The following FAF1 variants were observed in gnomAD, a reference collection of about 807,000 sequenced individuals.
The protein encoded by FAF1 is Fas associated factor 1, also known as FAS-associated factor 1.
FAF1 carries 25 observed loss-of-function variants against 92.5 expected under a neutral mutation model. The observed-to-expected ratio is 0.27, with a 90% confidence interval of 0.20 to 0.38. The LOEUF (loss-of-function observed/expected upper bound fraction) is 0.38. Among genes scored for constraint, FAF1 ranks in the 10% least tolerant of loss-of-function variants. The pLI is 1.00. For synonymous variants in FAF1, 234 were observed against 273.2 expected, an observed-to-expected ratio of 0.86 and a Z score of 1.42; for missense variants, 636 against 793.3, an observed-to-expected ratio of 0.80 and a Z score of 2.38.
At chr1:50,953,461 G>A (rs183737886) in intron 1 of FAF1, among the ~76,000 whole-genome samples, 340 of 151,988 alleles carry the variant, frequency 2.2e-3, no homozygotes, top group Non-Finnish European at 3.7e-3. Context: ...TTGGCCAGAC[G>A]CAGTGGCTCA....
chr1:50,746,695 G>T (rs1041852428), intron 4 of FAF1, among the ~76,000 whole-genome samples: 1 of 152,128 alleles, frequency 6.6e-6, no homozygotes, highest in Non-Finnish European at 1.5e-5. Context: ...ATTTTCAGGG[G>T]AGAAATTCAA....
intron 8 of FAF1, among the ~76,000 whole-genome samples, chr1:50,637,994 G>T (rs1459875799): frequency 1.3e-5 from 2 of 151,522 alleles, no homozygotes; most frequent in African/African-American, 4.9e-5. Context: ...CCAATTATTT[G>T]CCATTTTCAA....
chr1:50,760,151 T>C (rs182985092), intron 4 of FAF1, among the ~76,000 whole-genome samples: 2 of 152,212 alleles, frequency 1.3e-5, no homozygotes, highest in Admixed American at 6.6e-5. Context: ...CCTAAATATA[T>C]ATGCACCCAA....
At chr1:50,674,020 G>A (rs1003702407) in intron 7 of FAF1, among the ~76,000 whole-genome samples, 1 of 151,226 alleles carries the variant, frequency 6.6e-6, no homozygotes, top group Admixed American at 6.6e-5. Flanking sequence ...GCATGATCTC[G>A]GCTCACTGCA....
At chr1:50,685,214 T>G (rs889159828) in intron 7 of FAF1, among the ~76,000 whole-genome samples, 1 of 152,178 alleles carries the variant, frequency 6.6e-6, no homozygotes, top group Admixed American at 6.5e-5. Context: ...TAAGTAAATA[T>G]CAGTTGGTAA....
chr1:50,782,936 T>C (rs955812521), intron 4 of FAF1, among the ~76,000 whole-genome samples: 6 of 152,004 alleles, frequency 3.9e-5, no homozygotes, highest in African/African-American at 4.8e-5. Context: ...TTTTATACCA[T>C]ATTTTAATAT....
At chr1:50,906,579 T>C (rs59542416) in intron 1 of FAF1, among the ~76,000 whole-genome samples, 10,095 of 152,286 alleles carry the variant, frequency 0.066, 409 homozygotes, top group East Asian at 0.094. Context: ...TAGTTCTCCT[T>C]GAAGAGGTCC....
At position 50,873,891 on chromosome 1, in the gene FAF1, C is replaced by A. The variant is rs77036096; in HGVS notation, c.46-15894G>T. Among the ~76,000 whole-genome samples, 1,291 of 152,304 alleles carry A rather than the reference C, an allele frequency of 8.5e-3. 18 individuals are homozygous for A. The highest frequency in any genetic ancestry group is 0.03 in the African/African-American group (1,247 of 41,558). ...CAGGCTAAGCAAATCTTGGGTCTCG[C>A]ATACCCTGCATCATTGCTAGAGAAC... On this transcript the variant is annotated intron_variant, in intron 1 of 18. Transcript: ENST00000396153.
chr1:50,865,394 T>G (rs1644471850), intron 1 of FAF1, among the ~76,000 whole-genome samples: 1 of 150,108 alleles, frequency 6.7e-6, no homozygotes, highest in African/African-American at 2.5e-5. Flanking sequence ...CACACGTATG[T>G]TTATTGTGGC....
chr1:50,880,720 T>G (rs1011576202), intron 1 of FAF1, among the ~76,000 whole-genome samples: 1 of 152,220 alleles, frequency 6.6e-6, no homozygotes, highest in Non-Finnish European at 1.5e-5. Context: ...GTGTACGATA[T>G]TGTTACGGCC....
intron 1 of FAF1, among the ~76,000 whole-genome samples, chr1:50,944,420 G>T (rs756598918): frequency 2.0e-5 from 3 of 152,170 alleles, no homozygotes; most frequent in Non-Finnish European, 4.4e-5. Flanking sequence ...GGTCTAAGAT[G>T]GTCCCTCCAC....
rs540059807 is a variant in FAF1 at position 50,787,117 on chromosome 1, G to A, written c.367+883C>T. ...ATGGATCAGATAATCTGAATCAAAT[G>A]TAAGTTCAACATAGTTAAACTATAG... is the stretch of plus-strand genomic sequence containing the variant. On this transcript the variant is annotated intron_variant, in intron 4 of 18. Transcript: ENST00000396153. 7.2e-5 allele frequency among the ~76,000 whole-genome samples: 11 copies of A among 152,330 alleles called. No homozygotes were observed. The East Asian group carries it at 1.5e-3, about 21-fold the overall frequency.
At chr1:50,532,637 A>G (rs1648236710) in intron 15 of FAF1, among the ~76,000 whole-genome samples, 1 of 152,202 alleles carries the variant, frequency 6.6e-6, no homozygotes, top group Non-Finnish European at 1.5e-5. Context: ...TTTCCTTCAG[A>G]GTAAATGAAA....
intron 6 of FAF1, among the ~76,000 whole-genome samples, chr1:50,709,447 G>A (rs1657825403): frequency 6.6e-6 from 1 of 152,194 alleles, no homozygotes; most frequent in African/African-American, 2.4e-5. Flanking sequence ...ACTGTATAAA[G>A]ATTCAAGAAA....
chr1:50,861,851 C>G (rs919450400), intron 1 of FAF1, among the ~76,000 whole-genome samples: 1 of 151,668 alleles, frequency 6.6e-6, no homozygotes, highest in Non-Finnish European at 1.5e-5. Flanking sequence ...GAGAACACAG[C>G]AAGACAGCAG....
chr1:50,809,410 A>G (rs1419834245), intron 2 of FAF1, among the ~76,000 whole-genome samples: 1 of 152,162 alleles, frequency 6.6e-6, no homozygotes, highest in Non-Finnish European at 1.5e-5. Flanking sequence ...AAATGAACAC[A>G]ATAAAAAATA....
intron 13 of FAF1, among the ~76,000 whole-genome samples, chr1:50,555,548 C>T (rs1239789416): frequency 2.0e-5 from 3 of 151,948 alleles, no homozygotes; most frequent in Non-Finnish European, 4.4e-5. Flanking sequence ...CAAATTAAAA[C>T]CACGAGATAC....
At chr1:50,894,367 G>A (rs1212368173) in intron 1 of FAF1, among the ~76,000 whole-genome samples, 1 of 147,414 alleles carries the variant, frequency 6.8e-6, no homozygotes, top group Non-Finnish European at 1.5e-5. Context: ...GGTGAATGCT[G>A]TCAGGCCTGG....
chr1:50,572,533 TG>T (rs1650493533), intron 12 of FAF1, among the ~76,000 whole-genome samples: 11 of 152,240 alleles, frequency 7.2e-5, no homozygotes, highest in Admixed American at 7.2e-4. Flanking sequence ...TTCTTGTATA[TG>T]GATGTTCATA....
Sources: allele counts gnomAD v4.1 joint callset (sites outside exome capture counted in the v4.1 genomes callset), GRCh38; gene constraint gnomAD v4.1.1; transcripts MANE v1.5; gene names NCBI Gene and HGNC (gene_info 2026-07-23, HGNC 2026-07-21).